The following NEURL4 variants were observed in gnomAD, a reference collection of about 807,000 sequenced individuals.
The protein encoded by NEURL4 is neuralized E3 ubiquitin protein ligase 4, also known as neuralized-like protein 4.
NEURL4 carries 45 observed loss-of-function variants against 148.0 expected under a neutral mutation model. The observed-to-expected ratio is 0.30, with a 90% CI of 0.24 to 0.39. NEURL4 has a LOEUF of 0.39. Ranked by LOEUF, NEURL4 falls within the 10% of genes least tolerant of loss-of-function variation. The probability of loss-of-function intolerance (pLI) is 1.00; values close to 1 mark genes in which losing one functional copy is unlikely to be tolerated. For synonymous variants in NEURL4, 854 were observed against 869.0 expected (o/e 0.98, Z 0.30); for missense variants, 1,776 against 2,144.0 (o/e 0.83, Z 3.39).
In NEURL4 at chr17:7,322,679, C is replaced by A; in HGVS notation, c.2725+56G>T. 1 of 1,590,358 alleles carries A rather than the reference C, an allele frequency of 6.3e-7. No homozygotes were observed. Among genetic ancestry groups the A allele is most frequent in the Non-Finnish European group, 8.5e-7 (1 of 1,170,324 alleles). ...ACCTCTCTAACCTGGAAACCCTACTCCTCAGGTGCACAGCAGGCAAGCAGA... is the reference window on the plus strand; with the variant it reads ...ACCTCTCTAACCTGGAAACCCTACTACTCAGGTGCACAGCAGGCAAGCAGA... On this transcript the variant is annotated intron_variant, in intron 16 of 28. Coordinates refer to ENST00000399464, the MANE Select transcript of NEURL4 (RefSeq NM_032442.3). This position sits in a 1 kb window ranked among gnomAD's most constrained non-coding sequence, Gnocchi z 5.5.
chr17:7,327,956 C>G lies in NEURL4; in HGVS notation c.283-72G>C. On this transcript the variant is annotated intron_variant, in intron 1 of 28. Transcript: ENST00000399464. This position sits in a 1 kb window ranked among gnomAD's most constrained non-coding sequence, Gnocchi z 6.6. ...TTCCACAGGCCACCATATCTTCCCA[C>G]CTCTCAGACAGCTAGCTGGCTTTCT... The G allele has an allele frequency of 8.2e-7, 1 of 1,215,174 alleles. No homozygotes were observed. The highest frequency in any genetic ancestry group is 1.1e-6 in the Non-Finnish European group (1 of 882,376). The allele number at this position is 1,215,174 out of a possible 1,614,324, so 75.3% of individuals were successfully genotyped here. A position where few individuals can be genotyped will look rare whatever the true frequency, so the allele number is the denominator to read the frequency against.
chr17:7,321,160 G>A lies in NEURL4; in HGVS notation c.3312C>T (p.Thr1104=), dbSNP rs762261141. 18 of 1,613,776 alleles carry A rather than the reference G, an allele frequency of 1.1e-5. No homozygotes were observed. Among genetic ancestry groups the A allele is most frequent in the Middle Eastern group, 1.6e-4 (1 of 6,084 alleles). Residue 1104 remains threonine, a synonymous_variant, in exon 20 of 29, where the codon ACC becomes ACT. Coordinates refer to ENST00000399464, the MANE Select transcript of NEURL4 (RefSeq NM_032442.3). This position sits in a 1 kb window ranked among gnomAD's most constrained non-coding sequence, Gnocchi z 6.3. ...CGTCATCCTCCTCGCCCTCACTGCC[G>A]GTGTCTGAACTGGGGGAAGGAGGCT... ...GTQPPSPSSD[T]GSEGEEDDEG...
At position 7,321,725 on chromosome 17, in the gene NEURL4, T is replaced by A. The variant is rs780585212; in HGVS notation, c.2934A>T (p.Leu978=). The A allele has an allele frequency of 2.7e-5, 44 of 1,613,652 alleles. No homozygotes were observed. Among genetic ancestry groups the A allele is most frequent in the Non-Finnish European group, 3.6e-5 (43 of 1,180,052 alleles). ...AGSLRLGLTT[L]APGEMGPGAG... ...CCCCGGGTCCCATCTCCCCCGGTGC[T>A]AGTGTGGTCAGCCCCAGCCGCAGGG... The change falls in exon 18 of 29, where the codon CTA becomes CTT. Residue 978 remains leucine, a synonymous_variant. Coordinates refer to ENST00000399464, the MANE Select transcript of NEURL4 (RefSeq NM_032442.3). The surrounding 1 kb of genome is among the most constrained non-coding windows in gnomAD (Gnocchi z 6.3).
chr17:7,325,402 T>G lies in NEURL4; in HGVS notation c.1438A>C (p.Thr480Pro), dbSNP rs1171586649. ...VDLYGMAVKV[T>P]IVHNNNHSDR... ...CTGTGGTTGTTATTGTGGACGATGG[T>G]CACCTTCACTGCCATCCCGTACAAG... The change falls in exon 8 of 29, where the codon ACC (threonine) becomes CCC (proline). Residue 480 changes from threonine to proline, a missense_variant. Thr to Pro is a conservative substitution (Grantham distance 38, BLOSUM62 -1). Transcript: ENST00000399464. 6.2e-7 allele frequency: 1 copy of G among 1,612,960 alleles called. No individual in the cohort carries two copies. The highest frequency in any genetic ancestry group is 8.5e-7 in the Non-Finnish European group (1 of 1,179,990).
chr17:7,317,684 C>T, intron 26 of NEURL4, 104 bp downstream of exon 26: 3 of 1,572,718 alleles, frequency 1.9e-6, no homozygotes, highest in Non-Finnish European at 2.6e-6. Flanking sequence ...CCTGGCTTTT[C>T]CTTAGACAGG....
In NEURL4 at chr17:7,323,141, G is replaced by C. The variant is rs372692720; in HGVS notation, c.2418-18C>G. ...CTGTACCACTGGGGGGATGGCAGAA[G>C]GGGTGAGTCAGCCTGCCAACTTCAA... On this transcript the variant is annotated intron_variant, in intron 14 of 28. Transcript: ENST00000399464. 219 of 1,603,760 alleles carry C rather than the reference G, an allele frequency of 1.4e-4. No individual in the cohort carries two copies. The highest frequency in any genetic ancestry group is 1.7e-4 in the Non-Finnish European group (196 of 1,172,384).
rs761901041 is a variant in NEURL4, at chr17:7,325,730, A to G, written c.1294-17T>C. The stretch of plus-strand genomic sequence containing the variant: ...GTCACCCTCCTAATCAAAGAAGACA[A>G]ACAGTTTAGAGGAGTCCTGAGGCCT... On this transcript the variant is annotated splice_polypyrimidine_tract_variant and intron_variant, in intron 6 of 28. Coordinates refer to ENST00000399464, the MANE Select transcript of NEURL4 (RefSeq NM_032442.3). 1.9e-5 allele frequency: 30 copies of G among 1,610,222 alleles called. No homozygotes were observed. The highest frequency in any genetic ancestry group is 2.2e-5 in the East Asian group (1 of 44,866).
Position 7,321,404 on chromosome 17 carries a change from A to C in NEURL4, c.3155T>G (p.Val1052Gly). 6.2e-7 allele frequency: 1 copy of C among 1,614,008 alleles called. No individual in the cohort carries two copies. The highest frequency in any genetic ancestry group is 8.5e-7 in the Non-Finnish European group (1 of 1,179,994). Residue 1052 changes from valine to glycine, a missense_variant, in exon 19 of 29, where the codon GTG (valine) becomes GGG (glycine). Physicochemically the swap from Val to Gly is moderately radical, Grantham distance 109. Coordinates refer to ENST00000399464, the MANE Select transcript of NEURL4 (RefSeq NM_032442.3). The surrounding 1 kb of genome is among the most constrained non-coding windows in gnomAD (Gnocchi z 6.3). ...TGCAGGCCCCATATCCTCTCCATCCACCAGGATGTGCATCGTGTCATCTGC... is the reference window on the plus strand; with the variant it reads ...TGCAGGCCCCATATCCTCTCCATCCCCCAGGATGTGCATCGTGTCATCTGC... ...RGADDTMHIL[V>G]DGEDMGPAAT...
Position 7,326,331 on chromosome 17 carries a change from A to G in NEURL4, c.1217T>C (p.Met406Thr), listed in dbSNP as rs759906144. 1.2e-6 allele frequency: 2 copies of G among 1,614,054 alleles called. No individual in the cohort carries two copies. Among genetic ancestry groups the G allele is most frequent in the Non-Finnish European group, 1.7e-6 (2 of 1,180,022 alleles). Residue 406 changes from methionine to threonine, a missense_variant, in exon 6 of 29, where the codon ATG becomes ACG. Physicochemically the swap from Met to Thr is moderately conservative, Grantham distance 81. Transcript: ENST00000399464. The surrounding 1 kb of genome is among the most constrained non-coding windows in gnomAD (Gnocchi z 6.0). ...MTNLQSGTIM[M>T]SGCGILTNGK... is the part of the protein sequence containing the mutation. ...ATTGGTCAGGATTCCACAGCCGCTC[A>G]TCATGATGGTGCCTGGGTGATAGTG...
chr17:7,319,285 T>C, intron 21 of NEURL4, 77 bp from the exon 22 acceptor site: 1 of 1,318,028 alleles, frequency 7.6e-7, no homozygotes, highest in South Asian at 1.5e-5. Flanking sequence ...AGAGAGGGAA[T>C]ACTGCACCTC....
Position 7,327,157 on chromosome 17 carries a change from G to A in NEURL4, c.793+8C>T. On this transcript the variant is annotated splice_region_variant and intron_variant, in intron 3 of 28. Transcript: ENST00000399464. This position sits in a 1 kb window ranked among gnomAD's most constrained non-coding sequence, Gnocchi z 6.6. The stretch of plus-strand genomic sequence containing the variant: ...CTCCCCTTCCCAGGGCCTCCCCAAA[G>A]CCCTCACCATTATGCGACTCAAGGC... 6.2e-7 allele frequency: 1 copy of A among 1,611,888 alleles called. No individual in the cohort carries two copies. Among genetic ancestry groups the A allele is most frequent in the Non-Finnish European group, 8.5e-7 (1 of 1,179,768 alleles).
Position 7,327,275 on chromosome 17 carries a change from G to T in NEURL4, c.728-45C>A. On this transcript the variant is annotated intron_variant, in intron 2 of 28. Transcript: ENST00000399464. This position sits in a 1 kb window ranked among gnomAD's most constrained non-coding sequence, Gnocchi z 6.6. ...GGAGGGGAATAAGGGTTCAGTCCCT[G>T]CTTCACGGCCCATAGCCAGGAGAAC... 1 of 1,538,708 alleles carries T rather than the reference G, an allele frequency of 6.5e-7. No individual in the cohort carries two copies.
Position 7,326,462 on chromosome 17 carries a change from T to G in NEURL4, c.1179A>C (p.Pro393=). The G allele has an allele frequency of 6.2e-7, 1 of 1,614,132 alleles. No homozygotes were observed. Among genetic ancestry groups the G allele is most frequent in the Non-Finnish European group, 8.5e-7 (1 of 1,180,006 alleles). The change falls in exon 5 of 29, where the codon CCA becomes CCC. Residue 393 remains proline (P), a synonymous_variant. Transcript: ENST00000399464. The surrounding 1 kb of genome is among the most constrained non-coding windows in gnomAD (Gnocchi z 6.0). ...TTHNPNSLEY[P]ATMTNLQSGT... ...CTGACTGGAGGTTGGTCATGGTGGC[T>G]GGGTACTCCAAACTGTTGGGGTTGT...
chr17:7,323,754 T>C lies in NEURL4; in HGVS notation c.2262-31A>G, dbSNP rs1275498238. 2.5e-6 allele frequency: 4 copies of C among 1,613,878 alleles called. No individual in the cohort carries two copies. The South Asian group carries it at 3.3e-5, about 13-fold the overall frequency. The stretch of plus-strand genomic sequence containing the variant: ...AGGAGACTGGCGATCAGAGAGGCTC[T>C]ACTTGCATGGCTGAGGCTGGGCAGG... On this transcript the variant is annotated intron_variant, in intron 12 of 28. Coordinates refer to ENST00000399464, the MANE Select transcript of NEURL4 (RefSeq NM_032442.3).
At chr17:7,319,279 A>T in intron 21 of NEURL4, 71 bp from the exon 22 acceptor site, 2 of 1,383,702 alleles carry the variant, frequency 1.4e-6, no homozygotes, top group Non-Finnish European at 2.0e-6. Flanking sequence ...CCAGCCAGAG[A>T]GGGAATACTG....
chr17:7,325,274 G>A lies in NEURL4; in HGVS notation c.1566C>T (p.Leu522=), dbSNP rs1439896016. 5.0e-6 allele frequency: 8 copies of A among 1,608,086 alleles called. No homozygotes were observed. The highest frequency in any genetic ancestry group is 6.8e-6 in the Non-Finnish European group (8 of 1,177,826). Reference sequence around the variant, plus strand: ...CCTTCTGCCCACAGTTGGGGTGGAAGAGCAGGCGCTCAGGTTCTGCCTGGG... The same window carrying A: ...CCTTCTGCCCACAGTTGGGGTGGAAAAGCAGGCGCTCAGGTTCTGCCTGGG... ...PAAQAEPERL[L]FHPNCGQKAA... is the part of the protein sequence containing the mutation. Residue 522 remains leucine (L), a synonymous_variant, in exon 8 of 29, where the codon CTC becomes CTT. Transcript: ENST00000399464.
chr17:7,319,072 C>T lies in NEURL4; in HGVS notation c.3662G>A (p.Gly1221Glu). Residue 1221 changes from glycine (G) to glutamate (E), a missense_variant, in exon 22 of 29, where the codon GGG becomes GAG. Physicochemically the swap from Gly to Glu is moderately conservative, Grantham distance 98. Coordinates refer to ENST00000399464, the MANE Select transcript of NEURL4 (RefSeq NM_032442.3). Reference sequence around the variant, plus strand: ...CACCTTGAGACCGTTGTGGAAGACCCCACGGCCCCGCAGCAGCCAGGCTGC... The same window carrying T: ...CACCTTGAGACCGTTGTGGAAGACCTCACGGCCCCGCAGCAGCCAGGCTGC... ...KRAAWLLRGRGVFHNGLKICE... is the reference protein window; with the variant it reads ...KRAAWLLRGREVFHNGLKICE... 1 of 1,613,404 alleles carries T rather than the reference C, an allele frequency of 6.2e-7. No homozygotes were observed. The highest frequency in any genetic ancestry group is 8.5e-7 in the Non-Finnish European group (1 of 1,179,698).
At position 7,317,418 on chromosome 17, in the gene NEURL4, C is replaced by T. The variant is rs1472644694; in HGVS notation, c.4318+43G>A. ...ATAGCCCTTTTTATTCCTCCACAGC[C>T]CCCCAGGCTCAGCCCACCTTGCATG... On this transcript the variant is annotated intron_variant, in intron 27 of 28. Coordinates refer to ENST00000399464, the MANE Select transcript of NEURL4 (RefSeq NM_032442.3). The T allele has an allele frequency of 3.7e-6, 6 of 1,612,624 alleles. No homozygotes were observed. The South Asian group carries it at 4.4e-5, about 12-fold the overall frequency.
chr17:7,322,763 G>C lies in NEURL4; in HGVS notation c.2697C>G (p.Thr899=), dbSNP rs116452797. The change falls in exon 16 of 29, where the codon ACC becomes ACG. Residue 899 remains threonine, a synonymous_variant. Transcript: ENST00000399464. The surrounding 1 kb of genome is among the most constrained non-coding windows in gnomAD (Gnocchi z 5.5). Reference sequence around the variant, plus strand: ...GGGAGTGCAGTGGGAAGGACTTCTCGGTGGCAGTGTTGCTGGTCGCCAGGC... The same window carrying C: ...GGGAGTGCAGTGGGAAGGACTTCTCCGTGGCAGTGTTGCTGGTCGCCAGGC... ...DNSLATSNTA[T]EKSFPLHSPV... is the part of the protein sequence containing the mutation. 6.2e-7 allele frequency: 1 copy of C among 1,613,326 alleles called. No homozygotes were observed. Among genetic ancestry groups the C allele is most frequent in the Non-Finnish European group, 8.5e-7 (1 of 1,180,016 alleles).
Sources: allele counts gnomAD v4.1 joint callset, GRCh38; gene constraint gnomAD v4.1.1; non-coding constraint Gnocchi (gnomAD v3.1); transcripts MANE v1.5; gene names NCBI Gene and HGNC (gene_info 2026-07-23, HGNC 2026-07-21).